LRRFIP1: variants seen among roughly 807,000 people sequenced by gnomAD.
LRRFIP1 encodes the protein leucine-rich repeat flightless-interacting protein 1.
Under a neutral mutation model 104.4 loss-of-function variants are expected in LRRFIP1, and 62 were observed. The ratio of observed to expected loss-of-function variants is 0.59; its 90% CI spans 0.48 to 0.73. LRRFIP1 has a LOEUF of 0.73. Among genes scored for constraint, LRRFIP1 ranks in the 30% least tolerant of loss-of-function variants. The pLI is 0.00. For missense variants in LRRFIP1, 796 were observed against 824.5 expected, an observed-to-expected ratio of 0.97 and a Z score of 0.42; for synonymous variants, 300 against 299.0, an observed-to-expected ratio of 1.00 and a Z score of -0.03.
intron 1 of LRRFIP1, among the ~76,000 whole-genome samples, chr2:237,688,766 C>T (rs1253880120): frequency 1.3e-5 from 2 of 151,840 alleles, no homozygotes; most frequent in Admixed American, 1.3e-4. Context: ...GCCCCAGATG[C>T]ACCCTCTTCC....
At chr2:237,675,592 G>A (rs1000431275) in intron 1 of LRRFIP1, among the ~76,000 whole-genome samples, 1 of 152,082 alleles carries the variant, frequency 6.6e-6, no homozygotes, top group Non-Finnish European at 1.5e-5. Context: ...AAACATAAAG[G>A]GTTTTCTTTC....
intron 13 of LRRFIP1, 118 bp from the exon 14 acceptor site, chr2:237,751,082 T>TA: frequency 1.6e-6 from 1 of 643,280 alleles, no homozygotes; most frequent in Non-Finnish European, 2.7e-6. Context: ...CTTAATAAAA[T>TA]AAAAAAGAAA....
At chr2:237,677,283 C>A (rs565141647) in intron 1 of LRRFIP1, among the ~76,000 whole-genome samples, 1 of 152,206 alleles carries the variant, frequency 6.6e-6, no homozygotes, top group Non-Finnish European at 1.5e-5. Flanking sequence ...TGGAATCATA[C>A]AGCATTTGTC....
chr2:237,710,933 C>T (rs1458923781), intron 2 of LRRFIP1, among the ~76,000 whole-genome samples: 1 of 152,132 alleles, frequency 6.6e-6, no homozygotes, highest in Non-Finnish European at 1.5e-5. Flanking sequence ...TGGTGGCATG[C>T]ACCTGTAGTC....
At chr2:237,746,888 C>T (rs2057944898) in intron 11 of LRRFIP1, among the ~76,000 whole-genome samples, 1 of 152,196 alleles carries the variant, frequency 6.6e-6, no homozygotes, top group Non-Finnish European at 1.5e-5. Flanking sequence ...ACCACCCTGC[C>T]CAAAGGGCTT....
intron 1 of LRRFIP1, among the ~76,000 whole-genome samples, chr2:237,672,320 A>G (rs2090476888): frequency 6.6e-6 from 1 of 152,208 alleles, no homozygotes. Context: ...GAATTCCTTG[A>G]GCGCACACAG....
At chr2:237,670,881 C>T (rs2090242125) in intron 1 of LRRFIP1, among the ~76,000 whole-genome samples, 2 of 152,202 alleles carry the variant, frequency 1.3e-5, no homozygotes, top group South Asian at 2.1e-4. Context: ...CTGGAACATC[C>T]TCAGCGGCAG....
At chr2:237,712,798 C>CA (rs904300679) in intron 2 of LRRFIP1, among the ~76,000 whole-genome samples, 6 of 152,130 alleles carry the variant, frequency 3.9e-5, no homozygotes, top group Non-Finnish European at 8.8e-5. Flanking sequence ...ACACCTCCCT[C>CA]ACGCTCTTCT....
chr2:237,737,010 T>C (rs1222760160), intron 10 of LRRFIP1, among the ~76,000 whole-genome samples: 1 of 152,072 alleles, frequency 6.6e-6, no homozygotes. Context: ...CGCCCAGGCC[T>C]GAGGTCCCAG....
At chr2:237,736,934 C>A (rs2095267690) in intron 10 of LRRFIP1, among the ~76,000 whole-genome samples, 1 of 152,170 alleles carries the variant, frequency 6.6e-6, no homozygotes, top group Admixed American at 6.5e-5. Context: ...GGGAGAGAGC[C>A]ACCCCTGCTC....
intron 1 of LRRFIP1, among the ~76,000 whole-genome samples, chr2:237,628,090 G>A (rs2081851432): frequency 6.6e-6 from 1 of 152,130 alleles, no homozygotes; most frequent in South Asian, 2.1e-4. Flanking sequence ...GTGGGGGCGA[G>A]CGCCCCGCTT....
chr2:237,653,051 A>G (rs2086198703), intron 1 of LRRFIP1, among the ~76,000 whole-genome samples: 1 of 152,152 alleles, frequency 6.6e-6, no homozygotes, highest in African/African-American at 2.4e-5. Flanking sequence ...GCCATGTGAA[A>G]GTGCTTGCTT....
intron 1 of LRRFIP1, among the ~76,000 whole-genome samples, chr2:237,702,788 G>C (rs754943100): frequency 2.0e-5 from 3 of 152,194 alleles, no homozygotes; most frequent in South Asian, 2.1e-4. Context: ...GTGGCAGGGG[G>C]AGGGGCTTGT....
At chr2:237,665,428 G>A (rs13404477) in intron 1 of LRRFIP1, among the ~76,000 whole-genome samples, 1 of 152,090 alleles carries the variant, frequency 6.6e-6, no homozygotes, top group South Asian at 2.1e-4. Flanking sequence ...AGAAAGTCAG[G>A]GTTGGAATCC....
intron 1 of LRRFIP1, among the ~76,000 whole-genome samples, chr2:237,681,558 G>T (rs1000209477): frequency 1.3e-5 from 2 of 151,788 alleles, no homozygotes; most frequent in African/African-American, 4.8e-5. Context: ...GTAGAGACGG[G>T]GTTTCACCAC....
chr2:237,744,564 A>G (rs186092026), intron 11 of LRRFIP1, among the ~76,000 whole-genome samples: 1 of 152,380 alleles, frequency 6.6e-6, no homozygotes, highest in African/African-American at 2.4e-5. Flanking sequence ...TTAATAAAAT[A>G]TTTAATGTGC....
At chr2:237,667,216 C>T (rs996849456) in intron 1 of LRRFIP1, among the ~76,000 whole-genome samples, 2 of 152,068 alleles carry the variant, frequency 1.3e-5, no homozygotes, top group Non-Finnish European at 2.9e-5. Flanking sequence ...AAGTGTTGTT[C>T]CCCTCCCTGT....
chr2:237,747,473 C>T (rs2058027040), intron 11 of LRRFIP1, among the ~76,000 whole-genome samples: 1 of 152,182 alleles, frequency 6.6e-6, no homozygotes, highest in South Asian at 2.1e-4. Context: ...CACCCCTGTG[C>T]TGAGCTGCAG....
intron 1 of LRRFIP1, among the ~76,000 whole-genome samples, chr2:237,679,997 T>C (rs2091628097): frequency 6.6e-6 from 1 of 152,162 alleles, no homozygotes; most frequent in South Asian, 2.1e-4. Flanking sequence ...ATGAAGACCA[T>C]AATAATTTAC....
Sources: gnomAD v4.1 joint callset for allele counts (sites outside exome capture counted in the v4.1 genomes callset) on GRCh38, gnomAD v4.1.1 for gene constraint, MANE v1.5 for transcripts, NCBI Gene and HGNC (gene_info 2026-07-23, HGNC 2026-07-21) for gene names.